JMJD1C: variants seen among roughly 807,000 people sequenced by gnomAD.
JMJD1C encodes the protein jumonji domain containing 1C.
In JMJD1C, 31 loss-of-function variants were observed where a neutral mutation model predicts 245.3. That is an observed-to-expected ratio of 0.13 (90% CI 0.09 to 0.17). The LOEUF is 0.17. Ranked by LOEUF, JMJD1C falls within the 10% of genes least tolerant of loss-of-function variation. The pLI, the probability that JMJD1C is intolerant of heterozygous loss-of-function variation, is 1.00. For missense variants in JMJD1C, 2,691 were observed against 3,000.2 expected, an observed-to-expected ratio of 0.90 and a Z score of 2.41; for synonymous variants, 1,057 against 1,017.4, an observed-to-expected ratio of 1.04 and a Z score of -0.74.
In JMJD1C at chr10:63,200,540, G is replaced by A. The variant is rs770904355; in HGVS notation, c.5212C>T (p.Arg1738Cys). 1 of 1,613,782 alleles carries A rather than the reference G, an allele frequency of 6.2e-7. No individual in the cohort carries two copies. Among genetic ancestry groups the A allele is most frequent in the South Asian group, 1.1e-5 (1 of 91,076 alleles). The change falls in exon 11 of 26, where the codon CGC becomes TGC. Residue 1738 changes from arginine (R) to cysteine (C), a missense_variant. By Grantham distance (180) the Arg-to-Cys change is radical. Coordinates refer to ENST00000399262, the MANE Select transcript of JMJD1C (RefSeq NM_032776.3). The part of the protein sequence containing the change: ...LQKCRECRLI[R>C]SKKGEEPAHS... ...GCTGGTTCTTCTCCTTTTTTACTGC[G>A]AATAAGTCTACATTCTCGACACTTT...
chr10:63,189,247 T>C lies in JMJD1C; in HGVS notation c.6491A>G (p.Glu2164Gly), dbSNP rs371983340. Reference sequence around the variant, plus strand: ...ATCCTTAAGCCATAAAATATGCTTCTCACAGATCCAAGAATGTGGTATATC... The same window carrying C: ...ATCCTTAAGCCATAAAATATGCTTCCCACAGATCCAAGAATGTGGTATATC... ...YSDIPHSWIC[E>G]KHILWLKDYK... Residue 2164 changes from glutamate (E) to glycine (G), a missense_variant, in exon 18 of 26, where the codon GAG becomes GGG. Physicochemically the swap from Glu to Gly is moderately conservative, Grantham distance 98 (BLOSUM62 -2). Around this residue, in one of 9 missense-constraint regions of JMJD1C, gnomAD observed 275 missense variants for 285.5 expected, o/e 0.96. Transcript: ENST00000399262. 6.2e-6 allele frequency: 10 copies of C among 1,613,082 alleles called. No homozygotes were observed. The African/African-American group carries it at 1.3e-4, about 21-fold the overall frequency.
At chr10:63,335,023 G>GGAAA (rs1554891434) in intron 2 of JMJD1C, among the ~76,000 whole-genome samples, 4 of 100,864 alleles carry the variant, frequency 4.0e-5, no homozygotes, top group Non-Finnish European at 5.8e-5. Flanking sequence ...TCTGTCTTTG[G>GGAAA]AAAAAAATAA....
intron 1 of JMJD1C, among the ~76,000 whole-genome samples, chr10:63,417,698 T>A (rs879353652): frequency 9.8e-5 from 15 of 152,294 alleles, no homozygotes; most frequent in Admixed American, 9.8e-4. Context: ...TCTACAGAAG[T>A]TCCATCATAT....
intron 8 of JMJD1C, among the ~76,000 whole-genome samples, 169 bp from the exon 9 acceptor site, chr10:63,209,404 T>G (rs1419786920): frequency 1.3e-5 from 2 of 152,162 alleles, no homozygotes; most frequent in African/African-American, 4.8e-5. Flanking sequence ...ATGAGAAATA[T>G]TCAGACAAAT....
At chr10:63,291,818 T>C (rs988771727) in intron 2 of JMJD1C, among the ~76,000 whole-genome samples, 1 of 152,166 alleles carries the variant, frequency 6.6e-6, no homozygotes, top group African/African-American at 2.4e-5. Flanking sequence ...GTCTCTATAA[T>C]AAAGCTGGGT....
At chr10:63,458,380 T>C (rs1221899954) in intron 1 of JMJD1C, among the ~76,000 whole-genome samples, 3 of 151,974 alleles carry the variant, frequency 2.0e-5, no homozygotes, top group Admixed American at 6.6e-5. Context: ...ACCAGCTACT[T>C]GTAGGGCTGA....
intron 2 of JMJD1C, among the ~76,000 whole-genome samples, chr10:63,274,996 G>A (rs1404605936): frequency 1.3e-5 from 2 of 152,110 alleles, no homozygotes; most frequent in Non-Finnish European, 2.9e-5. Flanking sequence ...GGGAGTAGGA[G>A]ACCAGCCTGG....
At position 63,176,375 on chromosome 10, in the gene JMJD1C, T is replaced by C; in HGVS notation, c.7323A>G (p.Glu2441=). 1 of 1,614,054 alleles carries C rather than the reference T, an allele frequency of 6.2e-7. No individual in the cohort carries two copies. Among genetic ancestry groups the C allele is most frequent in the Non-Finnish European group, 8.5e-7 (1 of 1,179,940 alleles). ...VNKKLRQRLL[E]EYGVRTCTLI... ...GAGTACAGGTTCTGACTCCATATTCTTCAAGCAGCCTTTGACGGAGCTTTT... is the reference window on the plus strand; with the variant it reads ...GAGTACAGGTTCTGACTCCATATTCCTCAAGCAGCCTTTGACGGAGCTTTT... Residue 2441 remains glutamate (E), a synonymous_variant, in exon 24 of 26, where the codon GAA becomes GAG. Coordinates refer to ENST00000399262, the MANE Select transcript of JMJD1C (RefSeq NM_032776.3).
At position 63,206,804 on chromosome 10, in the gene JMJD1C, T is replaced by C; in HGVS notation, c.4865A>G (p.Tyr1622Cys). 1 of 1,603,520 alleles carries C rather than the reference T, an allele frequency of 6.2e-7. No individual in the cohort carries two copies. Among genetic ancestry groups the C allele is most frequent in the South Asian group, 1.1e-5 (1 of 87,650 alleles). Residue 1622 changes from tyrosine (Y) to cysteine (C), a missense_variant, in exon 10 of 26, where the codon TAT becomes TGT. Physicochemically the swap from Tyr to Cys is radical, Grantham distance 194. Transcript: ENST00000399262. Reference protein sequence around the residue: ...KVNRRKAKRTYESGSESGDSD... With the variant: ...KVNRRKAKRTCESGSESGDSD... ...GTCTCCACTTTCAGAGCCAGATTCATAAGTTCTTTTGGCTTTTCTCCTGTT... is the reference window on the plus strand; with the variant it reads ...GTCTCCACTTTCAGAGCCAGATTCACAAGTTCTTTTGGCTTTTCTCCTGTT...
intron 1 of JMJD1C, among the ~76,000 whole-genome samples, chr10:63,383,242 A>G (rs1469754726): frequency 6.6e-6 from 1 of 150,986 alleles, no homozygotes; most frequent in Non-Finnish European, 1.5e-5. Context: ...AAGCTTATCT[A>G]TTAGAATATC....
intron 1 of JMJD1C, among the ~76,000 whole-genome samples, chr10:63,481,035 A>C (rs1360125531): frequency 6.6e-6 from 1 of 152,226 alleles, no homozygotes; most frequent in Non-Finnish European, 1.5e-5. Flanking sequence ...AATGCCACTC[A>C]TGTGTTGACA....
chr10:63,270,254 C>T (rs1337495610), intron 2 of JMJD1C, among the ~76,000 whole-genome samples: 4 of 151,984 alleles, frequency 2.6e-5, no homozygotes, highest in African/African-American at 9.7e-5. Flanking sequence ...GCAACCTCTG[C>T]CTCCTGGGTT....
intron 1 of JMJD1C, chr10:63,428,025 A>G: frequency 1.6e-6 from 1 of 614,200 alleles, no homozygotes; most frequent in Non-Finnish European, 3.0e-6. Context: ...GTACTTTATC[A>G]TTAAAAATCA....
rs1950681118 is a variant in JMJD1C at position 63,430,461 on chromosome 10, C to T, written c.168+35034G>A. On this transcript the variant is annotated intron_variant, in intron 1 of 25. Coordinates refer to ENST00000399262, the MANE Select transcript of JMJD1C (RefSeq NM_032776.3). The stretch of plus-strand genomic sequence containing the variant: ...CTACAACATGAATAAATCTTGAGAG[C>T]ATTAAGTGAAAGAAAGCTAGATGCA... 2.0e-5 allele frequency among the ~76,000 whole-genome samples: 3 copies of T among 152,100 alleles called. 1 individual carries two copies. Among genetic ancestry groups the T allele is most frequent in the Admixed American group, 2.0e-4 (3 of 15,276 alleles).
intron 24 of JMJD1C, among the ~76,000 whole-genome samples, chr10:63,172,013 G>C (rs1349154486): frequency 2.0e-5 from 3 of 152,208 alleles, no homozygotes; most frequent in Non-Finnish European, 1.5e-5. Flanking sequence ...ATAAAGAGCT[G>C]TGTTGTTGTC....
At chr10:63,412,307 A>C (rs767330343) in intron 1 of JMJD1C, among the ~76,000 whole-genome samples, 6 of 152,074 alleles carry the variant, frequency 3.9e-5, no homozygotes, top group Non-Finnish European at 7.3e-5. Flanking sequence ...AGAAGTTATT[A>C]TGAGCAAGAG....
intron 10 of JMJD1C, chr10:63,202,612 CCT>C: frequency 1.0e-6 from 1 of 985,402 alleles, no homozygotes. Flanking sequence ...CATGCTTTCC[CCT>C]CTCTGTCTCT....
At chr10:63,349,915 A>AT (rs1379625446) in intron 2 of JMJD1C, among the ~76,000 whole-genome samples, 2 of 152,176 alleles carry the variant, frequency 1.3e-5, no homozygotes, top group African/African-American at 2.4e-5. Context: ...ATCTACATAA[A>AT]TTTTTTAAAA....
chr10:63,294,766 T>G (rs1162896874), intron 2 of JMJD1C, among the ~76,000 whole-genome samples: 1 of 152,238 alleles, frequency 6.6e-6, no homozygotes, highest in African/African-American at 2.4e-5. Context: ...CACAAAACTT[T>G]GGAGTTCTAG....
Sources: allele counts gnomAD v4.1 joint callset (sites outside exome capture counted in the v4.1 genomes callset), GRCh38; gene constraint gnomAD v4.1.1; regional missense constraint gnomAD v4.1.1; transcripts MANE v1.5; gene names NCBI Gene and HGNC (gene_info 2026-07-23, HGNC 2026-07-21).